ZNF568: variants seen among roughly 807,000 people sequenced by gnomAD.
ZNF568 encodes p53 inhibitor of SCO2 activation.
Under a neutral mutation model 18.1 loss-of-function variants are expected in ZNF568, and 11 were observed. The observed-to-expected ratio is 0.61, with a 90% confidence interval of 0.38 to 1.00. The LOEUF is 1.00. Among genes scored for constraint, ZNF568 ranks in the 50% least tolerant of loss-of-function variants. ZNF568 has a pLI of 0.01. For synonymous variants in ZNF568, 213 were observed against 246.6 expected, an observed-to-expected ratio of 0.86 and a Z score of 1.28; for missense variants, 639 against 768.2, an observed-to-expected ratio of 0.83 and a Z score of 1.99.
rs1451893574 is a variant in ZNF568 at position 36,949,819 on chromosome 19, TA to T, written c.668del (p.Lys223SerfsTer159). ...GTGCATCCTATGTTGTAACCCCCTT[TA>T]AGTGTAATCAGTGTGGACAAGACTT... ...HCASYVVTPF[K>X]CNQCGQDFSH... is the part of the protein sequence containing the mutation. On this transcript the variant is annotated frameshift_variant, in exon 7 of 7. Coordinates refer to ENST00000333987, the MANE Select transcript of ZNF568 (RefSeq NM_198539.4). LOFTEE classifies it low-confidence loss of function (END_TRUNC). 1.2e-6 allele frequency: 2 copies of T among 1,614,000 alleles called. No homozygotes were observed. The highest frequency in any genetic ancestry group is 1.7e-6 in the Non-Finnish European group (2 of 1,179,944).
chr19:36,956,378 C>A (rs1004369124), downstream of ZNF568, among the ~76,000 whole-genome samples: 2 of 152,026 alleles, frequency 1.3e-5, no homozygotes, highest in Non-Finnish European at 2.9e-5. Flanking sequence ...GAAGAGCAAT[C>A]CCAGCTCTAG....
intron 6 of ZNF568, among the ~76,000 whole-genome samples, chr19:36,942,373 G>T (rs1193764344): frequency 6.6e-6 from 1 of 151,532 alleles, no homozygotes; most frequent in Admixed American, 6.6e-5. Context: ...GCCAAGGTGG[G>T]CAGATTATGA....
chr19:36,976,996 ATT>A (rs1184436053), intron 7 of ZNF568, among the ~76,000 whole-genome samples: 7 of 152,190 alleles, frequency 4.6e-5, no homozygotes, highest in African/African-American at 1.7e-4. Context: ...CTATTTTTTA[ATT>A]TATTTTAAAC....
At chr19:36,942,202 G>C (rs1002329861) in intron 6 of ZNF568, among the ~76,000 whole-genome samples, 79 of 151,752 alleles carry the variant, frequency 5.2e-4, no homozygotes, top group Non-Finnish European at 7.7e-4. Flanking sequence ...GGCTAGTCTC[G>C]AACTCCTGAC....
rs2074074628 is a variant in ZNF568, at chr19:36,952,493, A to G, written c.*1405A>G. On this transcript the variant is annotated 3_prime_UTR_variant, in exon 7 of 7. Coordinates refer to ENST00000333987, the MANE Select transcript of ZNF568 (RefSeq NM_198539.4). ...TACAAATGAAACATTGTGTAATAAT[A>G]TTTATGTAAATTGGAATGAAATCAT... 2 of 152,272 alleles carry G rather than the reference A, an allele frequency of 1.3e-5. No individual in the cohort carries two copies. Among genetic ancestry groups the G allele is most frequent in the African/African-American group, 4.8e-5 (2 of 41,456 alleles). The allele number at this position is 152,272 out of a possible 1,614,324, so 9.4% of individuals were successfully genotyped here. A position where few individuals can be genotyped will look rare whatever the true frequency, so the allele number is the denominator to read the frequency against.
At chr19:36,997,412 G>A (rs1027257758), downstream of ZNF568, 4 of 1,587,394 alleles carry the variant, frequency 2.5e-6, no homozygotes, top group Non-Finnish European at 3.4e-6. Flanking sequence ...GCCTTTACTT[G>A]TAGCACAGAA....
rs190395612 is a variant in ZNF568, at chr19:36,975,588, G to A, written c.405+1122G>A. 2.8e-3 allele frequency among the ~76,000 whole-genome samples: 418 copies of A among 151,442 alleles called. 1 individual carries two copies. Among genetic ancestry groups the A allele is most frequent in the Admixed American group, 0.012 (190 of 15,202 alleles). ...TTTAGTAGAGACAGGGTTTCACCAT[G>A]TTGGCCAGGATAGTCGCAGTCTCTT... On this transcript the variant is annotated intron_variant, in intron 7 of 7. Transcript: ENST00000427117.
At chr19:36,992,101 G>T (rs530431442) in intron 4 of ZNF568, among the ~76,000 whole-genome samples, 46 of 151,770 alleles carry the variant, frequency 3.0e-4, no homozygotes, top group Non-Finnish European at 4.9e-4. Flanking sequence ...AAATTAGCCA[G>T]GCCTGGTGGT....
At chr19:36,940,796 A>G (rs2073867368) in intron 6 of ZNF568, among the ~76,000 whole-genome samples, 1 of 152,218 alleles carries the variant, frequency 6.6e-6, no homozygotes, top group Non-Finnish European at 1.5e-5. Flanking sequence ...TTGGCATTGA[A>G]GCCATTTTCC....
chr19:36,949,880 A>C lies in ZNF568; in HGVS notation c.727A>C (p.Ile243Leu). The C allele has an allele frequency of 6.2e-7, 1 of 1,614,028 alleles. No homozygotes were observed. Among genetic ancestry groups the C allele is most frequent in the East Asian group, 2.2e-5 (1 of 44,862 alleles). The change falls in exon 7 of 7, where the codon ATT (isoleucine) becomes CTT (leucine). Residue 243 changes from isoleucine (I) to leucine (L), a missense_variant. By Grantham distance (5) the Ile-to-Leu change is conservative. Transcript: ENST00000333987. ...HKFDLIRHER[I>L]HAGEKPYECK... Reference sequence around the variant, plus strand: ...ATTTGACCTCATTAGACATGAGCGAATTCATGCTGGAGAGAAACCTTACGA... The same window carrying C: ...ATTTGACCTCATTAGACATGAGCGACTTCATGCTGGAGAGAAACCTTACGA...
At position 36,950,634 on chromosome 19, in the gene ZNF568, G is replaced by A; in HGVS notation, c.1481G>A (p.Arg494Lys). The A allele has an allele frequency of 1.2e-6, 2 of 1,613,976 alleles. No individual in the cohort carries two copies. Among genetic ancestry groups the A allele is most frequent in the Non-Finnish European group, 1.7e-6 (2 of 1,179,914 alleles). Residue 494 changes from arginine (R) to lysine (K), a missense_variant, in exon 7 of 7, where the codon AGA (arginine) becomes AAA (lysine). Coordinates refer to ENST00000333987, the MANE Select transcript of ZNF568 (RefSeq NM_198539.4). ...ATGTCAAACCTCATTCGACACCAGA[G>A]AATTCATACGGGTGAGAAACCCTAT... ...IQMSNLIRHQ[R>K]IHTGEKPYAC...
intron 6 of ZNF568, among the ~76,000 whole-genome samples, chr19:36,944,433 A>G (rs1489692054): frequency 6.6e-6 from 1 of 152,026 alleles, no homozygotes; most frequent in Non-Finnish European, 1.5e-5. Context: ...AAAAATATAT[A>G]TGAATTTTAG....
intron 2 of ZNF568, among the ~76,000 whole-genome samples, chr19:36,985,410 G>A (rs1337061454): frequency 6.6e-6 from 1 of 152,092 alleles, no homozygotes; most frequent in Non-Finnish European, 1.5e-5. Flanking sequence ...TTTTATTAGG[G>A]AAATTTTCAA....
chr19:36,984,055 C>T (rs574117003), downstream of ZNF568, among the ~76,000 whole-genome samples: 6 of 151,992 alleles, frequency 3.9e-5, no homozygotes, highest in South Asian at 2.1e-4. Context: ...CATGCCGCCA[C>T]GCCTGGCCAA....
intron 6 of ZNF568, among the ~76,000 whole-genome samples, chr19:36,969,601 C>CTT (rs2074220877): frequency 6.6e-6 from 1 of 151,812 alleles, no homozygotes; most frequent in Non-Finnish European, 1.5e-5. Flanking sequence ...ATTTCCTTGT[C>CTT]TTTTCCAGCT....
chr19:36,936,560 T>C (rs1237167214), intron 4 of ZNF568, 186 bp from the exon 5 acceptor site: 3 of 468,254 alleles, frequency 6.4e-6, no homozygotes, highest in African/African-American at 5.8e-5. Context: ...ATGTATAATG[T>C]TTTTTGTCAG....
At chr19:36,987,434 G>A (rs889110571) in intron 2 of ZNF568, among the ~76,000 whole-genome samples, 1 of 152,198 alleles carries the variant, frequency 6.6e-6, no homozygotes, top group African/African-American at 2.4e-5. Context: ...TGGGATATAC[G>A]AACAAAGCCC....
rs764445724 is a variant in ZNF568 at position 36,951,251 on chromosome 19, G to C, written c.*163G>C. Reference sequence around the variant, plus strand: ...CCATATACATAGATGGAAAAACCCAGTATTATAAAAACCTCAATTCTGAAA... The same window carrying C: ...CCATATACATAGATGGAAAAACCCACTATTATAAAAACCTCAATTCTGAAA... On this transcript the variant is annotated 3_prime_UTR_variant, in exon 7 of 7. Transcript: ENST00000333987. 1.7e-6 allele frequency: 1 copy of C among 594,660 alleles called. No individual in the cohort carries two copies. Among genetic ancestry groups the C allele is most frequent in the African/African-American group, 1.9e-5 (1 of 51,796 alleles). The allele number at this position is 594,660 out of a possible 1,614,324, so 36.8% of individuals were successfully genotyped here.
At chr19:36,918,763 AC>A (rs1337669462) in intron 2 of ZNF568, among the ~76,000 whole-genome samples, 1 of 151,996 alleles carries the variant, frequency 6.6e-6, no homozygotes, top group Non-Finnish European at 1.5e-5. Context: ...CAAAACAGAA[AC>A]CCAGTACCTA....
Sources: gnomAD v4.1 joint callset for allele counts (sites outside exome capture counted in the v4.1 genomes callset) on GRCh38, gnomAD v4.1.1 for gene constraint, MANE v1.5 for transcripts, NCBI Gene and HGNC (gene_info 2026-07-23, HGNC 2026-07-21) for gene names.